The following SLCO4A1 variants were observed in gnomAD, a reference collection of about 807,000 sequenced individuals.
The protein encoded by SLCO4A1 is solute carrier organic anion transporter family member 4A1.
SLCO4A1 carries 51 observed loss-of-function variants against 64.6 expected under a neutral mutation model. That is an observed-to-expected ratio of 0.79 (90% CI 0.63 to 1.00). The LOEUF (loss-of-function observed/expected upper bound fraction) is 1.00. Among genes scored for constraint, SLCO4A1 ranks in the 50% least tolerant of loss-of-function variants. The pLI, the probability that SLCO4A1 is intolerant of heterozygous loss-of-function variation, is 0.00. For synonymous variants in SLCO4A1, 471 were observed against 444.9 expected, an observed-to-expected ratio of 1.06 and a Z score of -0.74; for missense variants, 919 against 980.5, an observed-to-expected ratio of 0.94 and a Z score of 0.84.
chr20:62,648,303 C>G (rs1200352011), intron 1 of SLCO4A1, among the ~76,000 whole-genome samples: 1 of 152,254 alleles, frequency 6.6e-6, no homozygotes, highest in Admixed American at 6.5e-5. Context: ...TGAGAGCCAC[C>G]TAAGGCTCCG....
At chr20:62,671,049 C>G (rs1183903633) in intron 11 of SLCO4A1, among the ~76,000 whole-genome samples, 4 of 152,212 alleles carry the variant, frequency 2.6e-5, no homozygotes, top group Non-Finnish European at 5.9e-5. Context: ...ATTCCTGCCA[C>G]ATCGTCCTCT....
intron 3 of SLCO4A1, 105 bp from the exon 4 acceptor site, chr20:62,660,307 C>T (rs912866039): frequency 1.0e-5 from 14 of 1,381,336 alleles, no homozygotes; most frequent in Non-Finnish European, 1.2e-5. Flanking sequence ...TGCAGACAGA[C>T]CCTGGAGGTC....
chr20:62,667,004 A>T (rs999362700), intron 7 of SLCO4A1, among the ~76,000 whole-genome samples: 1 of 152,070 alleles, frequency 6.6e-6, no homozygotes, highest in Non-Finnish European at 1.5e-5. Context: ...AATATCCAAA[A>T]TACACGTAGG....
rs781113131 is a variant in SLCO4A1, at chr20:62,669,067, C to G, written c.2014C>G (p.Leu672Val). The G allele has an allele frequency of 4.3e-6, 7 of 1,610,446 alleles. No individual in the cohort carries two copies. The highest frequency in any genetic ancestry group is 5.9e-6 in the Non-Finnish European group (7 of 1,179,940). The change falls in exon 11 of 12, where the codon CTC becomes GTC. Residue 672 changes from leucine to valine, a missense_variant. Coordinates refer to ENST00000217159, the MANE Select transcript of SLCO4A1 (RefSeq NM_016354.4). ...GAGCCGCTACATACTCATCATGGGG[C>G]TCCTGTACAAGGTAAGCAGGCCCAG... ...AMSRYILIMGLLYKVLGVLFF... is the reference protein window; with the variant it reads ...AMSRYILIMGVLYKVLGVLFF...
intron 1 of SLCO4A1, among the ~76,000 whole-genome samples, chr20:62,655,137 T>C (rs548981414): frequency 6.6e-6 from 1 of 152,258 alleles, no homozygotes; most frequent in South Asian, 2.1e-4. Flanking sequence ...AATTCAGCCA[T>C]AACAGGAGGT....
At chr20:62,655,577 G>GAGGGCAGT (rs1022646037) in intron 1 of SLCO4A1, among the ~76,000 whole-genome samples, 17 of 152,182 alleles carry the variant, frequency 1.1e-4, no homozygotes, top group Non-Finnish European at 2.1e-4. Context: ...CAGGGCTGGT[G>GAGGGCAGT]AGGGCAGTGG....
In SLCO4A1 at chr20:62,669,052, A is replaced by C; in HGVS notation, c.1999A>C (p.Ile667Leu). ...VYQNSAMSRY[I>L]LIMGLLYKVL... is the part of the protein sequence containing the mutation. ...CCAGAATTCGGCCATGAGCCGCTAC[A>C]TACTCATCATGGGGCTCCTGTACAA... is the stretch of plus-strand genomic sequence containing the variant. The change falls in exon 11 of 12, where the codon ATA becomes CTA. Residue 667 changes from isoleucine to leucine, a missense_variant. Ile to Leu is a conservative substitution (Grantham distance 5, BLOSUM62 2). Coordinates refer to ENST00000217159, the MANE Select transcript of SLCO4A1 (RefSeq NM_016354.4). 6.2e-7 allele frequency: 1 copy of C among 1,611,260 alleles called. No individual in the cohort carries two copies. Among genetic ancestry groups the C allele is most frequent in the Non-Finnish European group, 8.5e-7 (1 of 1,179,956 alleles).
Position 62,661,030 on chromosome 20 carries a change from G to GC in SLCO4A1, c.1010-29dup. On this transcript the variant is annotated intron_variant, in intron 4 of 11. Transcript: ENST00000217159. This position sits in a 1 kb window ranked among gnomAD's most constrained non-coding sequence, Gnocchi z 5.2. ...AGAAGTCCACCTCCGGGAGCCCCCA[G>GC]CCCCCAGCCCCAGCTCACTCTGTGC... The GC allele has an allele frequency of 5.8e-6, 3 of 518,132 alleles. No individual in the cohort carries two copies. The highest frequency in any genetic ancestry group is 5.7e-5 in the East Asian group (1 of 17,398). The allele number at this position is 518,132 out of a possible 1,614,324, so 32.1% of individuals were successfully genotyped here. A position where few individuals can be genotyped will look rare whatever the true frequency, so the allele number is the denominator to read the frequency against.
Position 62,658,767 on chromosome 20 carries a change from G to T in SLCO4A1, c.887G>T (p.Arg296Leu). The T allele has an allele frequency of 6.2e-7, 1 of 1,605,138 alleles. No homozygotes were observed. Among genetic ancestry groups the T allele is most frequent in the Non-Finnish European group, 8.5e-7 (1 of 1,176,066 alleles). Residue 296 changes from arginine to leucine, a missense_variant and splice_region_variant, in exon 3 of 12, where the codon CGG (arginine) becomes CTG (leucine). Arg to Leu is a moderately radical substitution (Grantham distance 102). Transcript: ENST00000217159. Reference sequence around the variant, plus strand: ...AATATCTACACGGAAATGGGCCGACGGTGAGTGGCCGCGCACCCAGCTGCC... The same window carrying T: ...AATATCTACACGGAAATGGGCCGACTGTGAGTGGCCGCGCACCCAGCTGCC... ...LLNIYTEMGRRTELTTESPLW... is the reference protein window; with the variant it reads ...LLNIYTEMGRLTELTTESPLW...
intron 1 of SLCO4A1, among the ~76,000 whole-genome samples, chr20:62,646,461 G>A (rs1004684979): frequency 1.3e-5 from 2 of 152,256 alleles, no homozygotes; most frequent in African/African-American, 4.8e-5. Flanking sequence ...GAAAACATGA[G>A]TTGTGGCATC....
intron 2 of SLCO4A1, among the ~76,000 whole-genome samples, chr20:62,677,874 G>C (rs1396556548): frequency 6.6e-5 from 10 of 152,244 alleles, no homozygotes; most frequent in Non-Finnish European, 1.5e-4. Context: ...GCCGTGATGG[G>C]GGTGCCGTCT....
At chr20:62,665,266 C>A in intron 6 of SLCO4A1, 178 bp downstream of exon 6, 1 of 644,502 alleles carries the variant, frequency 1.6e-6, no homozygotes, top group East Asian at 2.9e-5. Flanking sequence ...TGTCCACAGG[C>A]CGGGAGAGTG....
At chr20:62,683,389 T>C (rs1987921682) in intron 2 of SLCO4A1, among the ~76,000 whole-genome samples, 1 of 152,034 alleles carries the variant, frequency 6.6e-6, no homozygotes, top group Non-Finnish European at 1.5e-5. Flanking sequence ...TCCATCACTC[T>C]CGGTGGGGGC....
At chr20:62,660,337 C>A in intron 3 of SLCO4A1, 75 bp from the exon 4 acceptor site, 1 of 1,540,510 alleles carries the variant, frequency 6.5e-7, no homozygotes. Context: ...GAGGGGCCAG[C>A]AGCCCCCAGT....
At chr20:62,653,370 A>G (rs1200981779) in intron 1 of SLCO4A1, among the ~76,000 whole-genome samples, 1 of 152,164 alleles carries the variant, frequency 6.6e-6, no homozygotes, top group African/African-American at 2.4e-5. Context: ...CCTGGGGGAG[A>G]TCCCATGGCC....
chr20:62,663,680 C>T (rs1569138479), intron 5 of SLCO4A1, among the ~76,000 whole-genome samples: 1 of 152,126 alleles, frequency 6.6e-6, no homozygotes, highest in African/African-American at 2.4e-5. Context: ...GCCGAGAGCC[C>T]CCCACTCAGT....
chr20:62,660,415 G>T lies in SLCO4A1; in HGVS notation c.891G>T (p.Thr297=). The T allele has an allele frequency of 6.3e-7, 1 of 1,581,452 alleles. No individual in the cohort carries two copies. The highest frequency in any genetic ancestry group is 8.5e-7 in the Non-Finnish European group (1 of 1,172,704). ...GGTGCCACTGCCTCTTCCACAGGACGGAGCTGACCACCGAGAGCCCACTGT... is the reference window on the plus strand; with the variant it reads ...GGTGCCACTGCCTCTTCCACAGGACTGAGCTGACCACCGAGAGCCCACTGT... ...LNIYTEMGRR[T]ELTTESPLWV... The change falls in exon 4 of 12, where the codon ACG becomes ACT. Residue 297 remains threonine (T), a synonymous_variant. Coordinates refer to ENST00000217159, the MANE Select transcript of SLCO4A1 (RefSeq NM_016354.4).
At chr20:62,682,667 A>ACACG (rs71775327) in intron 2 of SLCO4A1, among the ~76,000 whole-genome samples, 1 of 152,130 alleles carries the variant, frequency 6.6e-6, no homozygotes, top group Non-Finnish European at 1.5e-5. Flanking sequence ...ACACACACAC[A>ACACG]CACACACACA....
intron 3 of SLCO4A1, among the ~76,000 whole-genome samples, chr20:62,659,406 G>A (rs147136696): frequency 2.0e-5 from 3 of 152,202 alleles, no homozygotes; most frequent in African/African-American, 4.8e-5. Context: ...CCTGGGCACC[G>A]CTGCACCTTG....
Sources: gnomAD v4.1 joint callset for allele counts (sites outside exome capture counted in the v4.1 genomes callset) on GRCh38, gnomAD v4.1.1 for gene constraint, Gnocchi (gnomAD v3.1) non-coding constraint, MANE v1.5 for transcripts, NCBI Gene and HGNC (gene_info 2026-07-23, HGNC 2026-07-21) for gene names.